The following NDUFAF2 variants were observed in gnomAD, a reference collection of about 807,000 sequenced individuals.
NDUFAF2 encodes NADH:ubiquinone oxidoreductase complex assembly factor 2.
A neutral mutation model predicts 22.8 loss-of-function variants in NDUFAF2; 13 were observed. That is an observed-to-expected ratio of 0.57 (90% confidence interval 0.37 to 0.91). NDUFAF2 has a LOEUF of 0.91. NDUFAF2 is among the 40% of genes least tolerant of loss of function. The pLI is 0.01. For synonymous variants in NDUFAF2, 53 were observed against 64.2 expected (o/e 0.83, Z 0.84); for missense variants, 162 against 195.2 (o/e 0.83, Z 1.01).
Position 61,030,763 on chromosome 5 carries a change from T to TA in NDUFAF2, c.128-42356dup, listed in dbSNP as rs572669758. The stretch of plus-strand genomic sequence containing the variant: ...TCTTCTTTCTTCTTTCCTTTCTTTT[T>TA]AAAAAATACTTAAAAGCATATATGA... On this transcript the variant is annotated intron_variant, in intron 1 of 3. Transcript: ENST00000296597. Among the ~76,000 whole-genome samples the TA allele has an allele frequency of 7.2e-3, 1,091 of 152,226 alleles. 9 individuals are homozygous for TA. The highest frequency in any genetic ancestry group is 0.026 in the South Asian group (125 of 4,828).
intron 1 of NDUFAF2, among the ~76,000 whole-genome samples, chr5:60,970,622 A>G (rs1199058660): frequency 1.3e-5 from 2 of 152,154 alleles, no homozygotes; most frequent in Admixed American, 1.3e-4. Context: ...TCCAAATATA[A>G]GATCATATCC....
rs141356222 is a variant in NDUFAF2, at chr5:61,106,924, G to A, written c.258+7892G>A. ...TGTATATATCACATTTTCTTTATCA[G>A]TTGATCTGTTGGTGGACATTTAGGT... On this transcript the variant is annotated intron_variant, in intron 3 of 3. Coordinates refer to ENST00000296597, the MANE Select transcript of NDUFAF2 (RefSeq NM_174889.5). Among the ~76,000 whole-genome samples, 936 of 151,036 alleles carry A rather than the reference G, an allele frequency of 6.2e-3. 10 individuals carry two copies. Among genetic ancestry groups the A allele is most frequent in the Non-Finnish European group, 0.01 (705 of 67,950 alleles).
chr5:60,985,846 T>C (rs1318262238), intron 1 of NDUFAF2, among the ~76,000 whole-genome samples: 7 of 152,088 alleles, frequency 4.6e-5, no homozygotes, highest in Admixed American at 4.6e-4. Context: ...TCCCACCACA[T>C]GTGGGAATTG....
intron 1 of NDUFAF2, among the ~76,000 whole-genome samples, chr5:61,066,767 G>C (rs1310770962): frequency 6.6e-6 from 1 of 151,946 alleles, no homozygotes; most frequent in Non-Finnish European, 1.5e-5. Flanking sequence ...TTGTTATACT[G>C]TATTTTTTAA....
intron 2 of NDUFAF2, among the ~76,000 whole-genome samples, chr5:61,093,590 G>A (rs1411286410): frequency 1.3e-5 from 2 of 152,146 alleles, no homozygotes; most frequent in Admixed American, 1.3e-4. Context: ...AACCAGCCTT[G>A]CGTCCCAGGG....
chr5:61,080,352 A>G (rs1752426938), intron 2 of NDUFAF2, among the ~76,000 whole-genome samples: 1 of 152,240 alleles, frequency 6.6e-6, no homozygotes, highest in Non-Finnish European at 1.5e-5. Flanking sequence ...ATTTTATAAA[A>G]AACTGCCAAG....
intron 1 of NDUFAF2, among the ~76,000 whole-genome samples, chr5:61,036,328 G>A (rs756207134): frequency 2.0e-5 from 3 of 152,200 alleles, no homozygotes; most frequent in Non-Finnish European, 4.4e-5. Context: ...TCTAGGCACA[G>A]GGCTGAATAC....
chr5:61,134,146 T>A (rs1753145877), intron 3 of NDUFAF2, among the ~76,000 whole-genome samples: 1 of 152,118 alleles, frequency 6.6e-6, no homozygotes. Flanking sequence ...CGTGATATAT[T>A]GTCAAGTAAA....
At chr5:61,038,845 A>G (rs1324817459) in intron 1 of NDUFAF2, among the ~76,000 whole-genome samples, 5 of 151,708 alleles carry the variant, frequency 3.3e-5, no homozygotes, top group Non-Finnish European at 5.9e-5. Flanking sequence ...CTTTGCAGCT[A>G]TAACTTTTTT....
At chr5:61,116,452 A>G (rs555410636) in intron 3 of NDUFAF2, 7 of 152,196 alleles carry the variant, frequency 4.6e-5, no homozygotes, top group Admixed American at 6.6e-5. Flanking sequence ...AAATAAAAAT[A>G]TAATAGAAAT....
In NDUFAF2 at chr5:61,079,925, G is replaced by T. The variant is rs1561559455; in HGVS notation, c.217+6711G>T. Among the ~76,000 whole-genome samples, 4 of 152,182 alleles carry T rather than the reference G, an allele frequency of 2.6e-5. No individual in the cohort carries two copies. In the South Asian group the frequency reaches 8.3e-4, roughly 31 times the overall value. ...CTCAAAGTAGTAAACTGGGGCGATC[G>T]TGAGGTCAGCCTTCGTTTATTTAAC... On this transcript the variant is annotated intron_variant, in intron 2 of 3. Transcript: ENST00000296597.
At chr5:60,991,809 C>T (rs1194452178) in intron 1 of NDUFAF2, among the ~76,000 whole-genome samples, 2 of 152,020 alleles carry the variant, frequency 1.3e-5, no homozygotes, top group African/African-American at 2.4e-5. Flanking sequence ...GGGGTATGTA[C>T]CTAGGGGAGG....
rs181191652 is a variant in NDUFAF2 at position 61,003,488 on chromosome 5, G to A, written c.127+58106G>A. 2.4e-3 allele frequency among the ~76,000 whole-genome samples: 360 copies of A among 151,858 alleles called. 8 individuals carry two copies. Among genetic ancestry groups the A allele is most frequent in the African/African-American group, 8.5e-3 (350 of 41,414 alleles). On this transcript the variant is annotated intron_variant, in intron 1 of 3. Coordinates refer to ENST00000296597, the MANE Select transcript of NDUFAF2 (RefSeq NM_174889.5). Reference sequence around the variant, plus strand: ...AACAAGGTACTATCCATCAAATAAAGGGTTATATCCTTGGGGCATCATGAT... The same window carrying A: ...AACAAGGTACTATCCATCAAATAAAAGGTTATATCCTTGGGGCATCATGAT...
At position 61,080,000 on chromosome 5, in the gene NDUFAF2, ATTG is replaced by A. The variant is rs1752422182; in HGVS notation, c.217+6792_217+6794del. Among the ~76,000 whole-genome samples, 6 of 151,966 alleles carry A rather than the reference ATTG, an allele frequency of 3.9e-5. No homozygotes were observed. In the South Asian group the frequency reaches 1.0e-3, roughly 26 times the overall value. ...TTATTCAATGTCCATTGTTTTGAAG[ATTG>A]TTGTTTTATGTAATTTGTCCTTGTT... On this transcript the variant is annotated intron_variant, in intron 2 of 3. Transcript: ENST00000296597.
chr5:60,996,179 G>C (rs1038027144), intron 1 of NDUFAF2, among the ~76,000 whole-genome samples: 49 of 151,974 alleles, frequency 3.2e-4, no homozygotes, highest in African/African-American at 1.2e-3. Flanking sequence ...AGTCTCCAAG[G>C]CTGACCCAAG....
At chr5:61,022,967 C>T (rs1462704929) in intron 1 of NDUFAF2, among the ~76,000 whole-genome samples, 1 of 152,110 alleles carries the variant, frequency 6.6e-6, no homozygotes, top group Admixed American at 6.6e-5. Context: ...GTTACATTTT[C>T]ACTGTACTTT....
At chr5:61,050,220 A>G (rs533896009) in intron 1 of NDUFAF2, among the ~76,000 whole-genome samples, 9 of 152,016 alleles carry the variant, frequency 5.9e-5, no homozygotes, top group African/African-American at 1.7e-4. Context: ...TTTCTTTACA[A>G]CCTCGACAAC....
chr5:61,039,658 C>G (rs191464490), intron 1 of NDUFAF2, among the ~76,000 whole-genome samples: 1 of 152,106 alleles, frequency 6.6e-6, no homozygotes, highest in Non-Finnish European at 1.5e-5. Context: ...CTTAAGAATC[C>G]CTCAGGTGGT....
intron 1 of NDUFAF2, among the ~76,000 whole-genome samples, chr5:61,012,513 TC>T: frequency 1.3e-5 from 2 of 152,282 alleles, no homozygotes; most frequent in East Asian, 3.9e-4. Context: ...TGTTATTTTT[TC>T]CTTTTCCAAT....
Sources: gnomAD v4.1 joint callset for allele counts (sites outside exome capture counted in the v4.1 genomes callset) on GRCh38, gnomAD v4.1.1 for gene constraint, MANE v1.5 for transcripts, NCBI Gene and HGNC (gene_info 2026-07-23, HGNC 2026-07-21) for gene names.